The following EPM2A variants were observed in gnomAD, a reference collection of about 807,000 sequenced individuals.
EPM2A encodes the protein EPM2A glucan phosphatase, laforin.
EPM2A carries 21 observed loss-of-function variants against 26.5 expected under a neutral mutation model. The ratio of observed to expected loss-of-function variants is 0.79; its 90% CI spans 0.56 to 1.14. The LOEUF is 1.14. Ranked by LOEUF, EPM2A falls within the 50% of genes most tolerant of loss-of-function variation. The pLI, the probability that EPM2A is intolerant of heterozygous loss-of-function variation, is 0.00. For missense variants in EPM2A, 458 were observed against 440.8 expected (o/e 1.04, Z -0.35); for synonymous variants, 217 against 177.6 (o/e 1.22, Z -1.76).
At chr6:145,647,324 C>A (rs1777550291) in intron 2 of EPM2A, among the ~76,000 whole-genome samples, 1 of 152,168 alleles carries the variant, frequency 6.6e-6, no homozygotes, top group African/African-American at 2.4e-5. Context: ...TTCCCTTCCC[C>A]TTATTCTGCT....
At chr6:145,502,942 A>G (rs1050028843) in intron 2 of EPM2A, among the ~76,000 whole-genome samples, 1 of 152,210 alleles carries the variant, frequency 6.6e-6, no homozygotes, top group Non-Finnish European at 1.5e-5. Flanking sequence ...TTGAATACAT[A>G]ATTAGTTTGC....
chr6:145,402,531 GTACCAA>G (rs1778504461), intron 4 of EPM2A, among the ~76,000 whole-genome samples: 1 of 152,094 alleles, frequency 6.6e-6, no homozygotes, highest in Admixed American at 6.6e-5. Context: ...TAGTGATGTA[GTACCAA>G]TATTAATTTC....
At chr6:145,723,582 T>C (rs895134716) in intron 1 of EPM2A, among the ~76,000 whole-genome samples, 2 of 152,118 alleles carry the variant, frequency 1.3e-5, no homozygotes, top group African/African-American at 2.4e-5. Context: ...TTTCTGTTCC[T>C]GCCAACAAAA....
intron 2 of EPM2A, among the ~76,000 whole-genome samples, chr6:145,506,851 C>T (rs1779982560): frequency 6.6e-6 from 1 of 152,322 alleles, no homozygotes; most frequent in Admixed American, 6.5e-5. Flanking sequence ...GCCCACTCTT[C>T]AGTTCCTGAT....
intron 3 of EPM2A, among the ~76,000 whole-genome samples, chr6:145,633,221 G>A (rs116293585): frequency 1.0e-3 from 155 of 152,226 alleles, no homozygotes; most frequent in African/African-American, 3.3e-3. Context: ...TCCCAGCCTC[G>A]TCTCACATCA....
At chr6:145,448,347 C>T (rs1779151373) in intron 4 of EPM2A, among the ~76,000 whole-genome samples, 1 of 151,918 alleles carries the variant, frequency 6.6e-6, no homozygotes, top group Non-Finnish European at 1.5e-5. Flanking sequence ...TCAAATTTTC[C>T]ATGGAGACTA....
chr6:145,567,154 T>C (rs531398530), intron 2 of EPM2A, among the ~76,000 whole-genome samples: 1 of 152,346 alleles, frequency 6.6e-6, no homozygotes, highest in African/African-American at 2.4e-5. Context: ...CAAACTTTTC[T>C]TAAACACTGC....
At chr6:145,645,028 T>G (rs1412995590) in intron 2 of EPM2A, among the ~76,000 whole-genome samples, 1 of 152,202 alleles carries the variant, frequency 6.6e-6, no homozygotes, top group Non-Finnish European at 1.5e-5. Flanking sequence ...ACTGTCATAT[T>G]TAAGTTGGTA....
chr6:145,638,386 G>A (rs1476824264), intron 2 of EPM2A: 1 of 152,186 alleles, frequency 6.6e-6, no homozygotes, highest in East Asian at 1.9e-4. Flanking sequence ...GCTAAAAGAG[G>A]TGTTATTCTA....
intron 2 of EPM2A, among the ~76,000 whole-genome samples, chr6:145,656,060 A>G (rs1303560199): frequency 6.6e-6 from 1 of 152,246 alleles, no homozygotes; most frequent in African/African-American, 2.4e-5. Context: ...ATCCACTAAT[A>G]TGCAAGAGTA....
chr6:145,472,912 C>A (rs779436813), intron 4 of EPM2A, among the ~76,000 whole-genome samples: 2 of 151,938 alleles, frequency 1.3e-5, no homozygotes, highest in Non-Finnish European at 2.9e-5. Context: ...TTGTGAAAAG[C>A]CTTCCCAAAA....
At chr6:145,418,754 A>G (rs760607095) in intron 4 of EPM2A, among the ~76,000 whole-genome samples, 15 of 152,194 alleles carry the variant, frequency 9.9e-5, no homozygotes, top group Non-Finnish European at 1.9e-4. Flanking sequence ...GCAGAATGAC[A>G]TATAGACTGT....
intron 4 of EPM2A, among the ~76,000 whole-genome samples, chr6:145,475,894 C>A (rs1451296114): frequency 2.0e-5 from 3 of 151,702 alleles, no homozygotes; most frequent in Admixed American, 6.6e-5. Context: ...GACCAGAAAA[C>A]AAATAACAAA....
At chr6:145,411,160 T>C (rs1778637794) in intron 4 of EPM2A, among the ~76,000 whole-genome samples, 1 of 152,238 alleles carries the variant, frequency 6.6e-6, no homozygotes, top group African/African-American at 2.4e-5. Context: ...TATCTATGCA[T>C]TGTCAATTTT....
At chr6:145,601,074 G>C (rs1471087393) in intron 2 of EPM2A, among the ~76,000 whole-genome samples, 1 of 152,142 alleles carries the variant, frequency 6.6e-6, no homozygotes, top group Admixed American at 6.5e-5. Context: ...TACCATATCT[G>C]TTATCCCTTT....
chr6:145,584,019 G>A (rs747134356), intron 2 of EPM2A, among the ~76,000 whole-genome samples: 51 of 152,180 alleles, frequency 3.4e-4, no homozygotes, highest in Non-Finnish European at 8.8e-5. Context: ...GGAGTGGGTG[G>A]GGCAGCATAG....
intron 4 of EPM2A, among the ~76,000 whole-genome samples, chr6:145,478,789 G>T (rs558260613): frequency 6.6e-6 from 1 of 151,572 alleles, no homozygotes; most frequent in African/African-American, 2.4e-5. Context: ...ATTTGAAACC[G>T]TGTATGTTTT....
chr6:145,478,656 T>C (rs961163756), intron 4 of EPM2A, among the ~76,000 whole-genome samples: 2 of 151,890 alleles, frequency 1.3e-5, no homozygotes, highest in African/African-American at 4.8e-5. Context: ...TCTGTAGCTA[T>C]ACATTTCCCT....
intron 1 of EPM2A, among the ~76,000 whole-genome samples, chr6:145,698,690 G>T (rs1358221366): frequency 1.3e-5 from 2 of 151,756 alleles, no homozygotes; most frequent in Non-Finnish European, 2.9e-5. Flanking sequence ...ATATCCCATT[G>T]TTATGGACTG....
Sources: allele counts gnomAD v4.1 joint callset (sites outside exome capture counted in the v4.1 genomes callset), GRCh38; gene constraint gnomAD v4.1.1; transcripts MANE v1.5; gene names NCBI Gene and HGNC (gene_info 2026-07-23, HGNC 2026-07-21).